The following DDX42 variants were observed in gnomAD, a reference collection of about 807,000 sequenced individuals.
DDX42 encodes the protein ATP-dependent RNA helicase DDX42.
In DDX42, 22 loss-of-function variants were observed where a neutral mutation model predicts 101.5. The ratio of observed to expected loss-of-function variants is 0.22; its 90% CI spans 0.15 to 0.31. The LOEUF is 0.31. Among genes scored for constraint, DDX42 ranks in the 10% least tolerant of loss-of-function variants. DDX42 has a pLI of 1.00. For missense variants in DDX42, 849 were observed against 1,199.9 expected (o/e 0.71, Z 4.32); for synonymous variants, 402 against 401.2 (o/e 1.00, Z -0.02).
chr17:63,799,400 A>G (rs374267933), intron 4 of DDX42, 189 bp from the exon 5 acceptor site: 8 of 464,338 alleles, frequency 1.7e-5, no homozygotes, highest in East Asian at 3.3e-5. Context: ...TGCAAACTGC[A>G]GATTATAGAG....
At chr17:63,813,019 G>T (rs745630320) in intron 14 of DDX42, among the ~76,000 whole-genome samples, 2 of 152,084 alleles carry the variant, frequency 1.3e-5, no homozygotes, top group Non-Finnish European at 2.9e-5. Flanking sequence ...GCAAGACTCC[G>T]TCTCTAAAAA....
chr17:63,787,201 C>T lies in DDX42; in HGVS notation c.152C>T (p.Ser51Leu). ...ATSSSSGFGK[S>L]APPQLPSFYK... ...AGCTCTTCTTCTGGATTTGGAAAGT[C>T]AGCTCCACCACAGCTTCCTTCTTTC... Residue 51 changes from serine to leucine, a missense_variant, in exon 2 of 18, where the codon TCA becomes TTA. By Grantham distance (145) the Ser-to-Leu change is moderately radical. Coordinates refer to ENST00000389924, the MANE Select transcript of DDX42 (RefSeq NM_203499.3). The T allele has an allele frequency of 3.1e-6, 5 of 1,614,158 alleles. No homozygotes were observed. Among genetic ancestry groups the T allele is most frequent in the Non-Finnish European group, 4.2e-6 (5 of 1,180,034 alleles).
chr17:63,813,133 A>G (rs2039933029), intron 14 of DDX42, 95 bp from the exon 15 acceptor site: 1 of 1,187,466 alleles, frequency 8.4e-7, no homozygotes, highest in East Asian at 2.5e-5. Flanking sequence ...TGCCTAGATA[A>G]AGGAAATGTG....
chr17:63,804,957 T>A, intron 6 of DDX42, 114 bp from the exon 7 acceptor site: 1 of 1,336,250 alleles, frequency 7.5e-7, no homozygotes, highest in Non-Finnish European at 1.0e-6. Context: ...TTGCTTTCTC[T>A]AGCTGGAATG....
chr17:63,794,806 C>G (rs2039672740), intron 3 of DDX42, among the ~76,000 whole-genome samples: 1 of 151,636 alleles, frequency 6.6e-6, no homozygotes, highest in Non-Finnish European at 1.5e-5. Context: ...CATGGTGGTG[C>G]ATGCCTGTAA....
At chr17:63,805,393 T>C in intron 7 of DDX42, 2 of 530,398 alleles carry the variant, frequency 3.8e-6, no homozygotes, top group East Asian at 8.2e-5. Flanking sequence ...TCTTGTTTCA[T>C]ATTTCAGTCA....
intron 3 of DDX42, among the ~76,000 whole-genome samples, chr17:63,796,984 A>G (rs368680343): frequency 2.3e-4 from 35 of 152,320 alleles, no homozygotes; most frequent in African/African-American, 8.4e-4. Flanking sequence ...AGTGAGAAAA[A>G]GTTGTGCAGA....
At chr17:63,793,748 A>G (rs2039657106) in intron 3 of DDX42, among the ~76,000 whole-genome samples, 1 of 151,958 alleles carries the variant, frequency 6.6e-6, no homozygotes, top group Middle Eastern at 3.2e-3. Flanking sequence ...TTTCACATAC[A>G]GAGGTCCTTT....
rs143658818 is a variant in DDX42, at chr17:63,803,418, C to T, written c.622-1653C>T. On this transcript the variant is annotated intron_variant, in intron 6 of 17. Coordinates refer to ENST00000389924, the MANE Select transcript of DDX42 (RefSeq NM_203499.3). ...AGCCTGGCCAACATGGTGAAACCCC[C>T]GTCTTTGGGATTGGTGGCAGGCATC... 2.7e-3 allele frequency among the ~76,000 whole-genome samples: 404 copies of T among 151,618 alleles called. 2 individuals are homozygous for T. Among genetic ancestry groups the T allele is most frequent in the African/African-American group, 9.4e-3 (390 of 41,418 alleles).
rs201475168 is a variant in DDX42 at position 63,805,149 on chromosome 17, G to A, written c.700G>A (p.Asp234Asn). 7 of 1,612,946 alleles carry A rather than the reference G, an allele frequency of 4.3e-6. No homozygotes were observed. Among genetic ancestry groups the A allele is most frequent in the Non-Finnish European group, 5.9e-6 (7 of 1,179,790 alleles). The part of the protein sequence containing the change: ...ITNLTPQQLI[D>N]LRHKLNLRVS... ...CAACCTCACTCCACAGCAGTTAATAGATCTCCGGCATAAGCTCAATCTTCG... is the reference window on the plus strand; with the variant it reads ...CAACCTCACTCCACAGCAGTTAATAAATCTCCGGCATAAGCTCAATCTTCG... The change falls in exon 7 of 18, where the codon GAT becomes AAT. Residue 234 changes from aspartate (D) to asparagine (N), a missense_variant. Around this residue, in one of 5 missense-constraint regions of DDX42, gnomAD observed 370 missense variants for 608.8 expected, o/e 0.61. Coordinates refer to ENST00000389924, the MANE Select transcript of DDX42 (RefSeq NM_203499.3).
At chr17:63,798,833 A>G (rs2039725645) in intron 4 of DDX42, among the ~76,000 whole-genome samples, 2 of 152,036 alleles carry the variant, frequency 1.3e-5, no homozygotes, top group African/African-American at 2.4e-5. Context: ...TCTGTTCCAT[A>G]TGGAGATTTA....
Position 63,818,468 on chromosome 17 carries a change from A to C in DDX42, c.*70A>C. The stretch of plus-strand genomic sequence containing the variant: ...AAAGATTTTGGTAACTAGGTGTCTC[A>C]GGGCTGGGTTGGGGTCCAAAGTGTA... On this transcript the variant is annotated 3_prime_UTR_variant, in exon 18 of 18. Coordinates refer to ENST00000389924, the MANE Select transcript of DDX42 (RefSeq NM_203499.3). 3.2e-5 allele frequency: 47 copies of C among 1,467,508 alleles called. No homozygotes were observed. Among genetic ancestry groups the C allele is most frequent in the East Asian group, 4.8e-5 (2 of 41,788 alleles). 90.9% of individuals were successfully genotyped at this position (1,467,508 alleles called of 1,614,324 possible). A position where few individuals can be genotyped will look rare whatever the true frequency, so the allele number is the denominator to read the frequency against.
intron 4 of DDX42, 77 bp downstream of exon 4, chr17:63,798,176 T>G: frequency 1.5e-6 from 2 of 1,374,298 alleles, no homozygotes; most frequent in Non-Finnish European, 2.0e-6. Flanking sequence ...CCCCAAAGTT[T>G]ATAGAGAAAA....
intron 13 of DDX42, chr17:63,811,439 C>A (rs1024913816): frequency 1.3e-5 from 5 of 382,628 alleles, no homozygotes; most frequent in African/African-American, 2.1e-5. Flanking sequence ...TCAAAACTTA[C>A]AATTGTTTTA....
chr17:63,817,634 T>G, intron 17 of DDX42, 60 bp from the exon 18 acceptor site: 1 of 1,528,386 alleles, frequency 6.5e-7, no homozygotes, highest in Non-Finnish European at 9.0e-7. Context: ...TGCCAAGTTG[T>G]ATATTCAAGT....
In DDX42 at chr17:63,800,565, T is replaced by C; in HGVS notation, c.569T>C (p.Ile190Thr). 6.2e-7 allele frequency: 1 copy of C among 1,614,098 alleles called. No homozygotes were observed. The highest frequency in any genetic ancestry group is 8.5e-7 in the Non-Finnish European group (1 of 1,179,982). Residue 190 changes from isoleucine to threonine, a missense_variant, in exon 6 of 18, where the codon ATT becomes ACT. Physicochemically the swap from Ile to Thr is moderately conservative, Grantham distance 89. Around this residue, in one of 5 missense-constraint regions of DDX42, gnomAD observed 370 missense variants for 608.8 expected, o/e 0.61. Transcript: ENST00000389924. ...NLEYDSDGNP[I>T]APTKKIIDPL... is the part of the protein sequence containing the mutation. ...GAATATGATAGTGACGGAAATCCAA[T>C]TGCACCTACCAAAAAAATCATTGAT...
chr17:63,816,256 T>C (rs540448710), intron 16 of DDX42, among the ~76,000 whole-genome samples: 2 of 152,338 alleles, frequency 1.3e-5, no homozygotes, highest in East Asian at 3.9e-4. Flanking sequence ...CAGTATACTT[T>C]TCTGGAGCAT....
chr17:63,814,578 G>A lies in DDX42; in HGVS notation c.1903-985G>A, dbSNP rs2039952458. ...TGTACCTCAGGCTTTCTGTGCTCAG[G>A]ACTTTGTCCAAGCCTGCTGCCCTAC... On this transcript the variant is annotated intron_variant, in intron 15 of 17. Transcript: ENST00000389924. 4.6e-5 allele frequency among the ~76,000 whole-genome samples: 7 copies of A among 151,560 alleles called. No homozygotes were observed. In the South Asian group the frequency reaches 1.5e-3, roughly 32 times the overall value.
intron 3 of DDX42, among the ~76,000 whole-genome samples, chr17:63,795,633 G>A (rs749356334): frequency 3.3e-5 from 5 of 152,176 alleles, no homozygotes; most frequent in Admixed American, 6.5e-5. Flanking sequence ...CCCAGCCTCT[G>A]TATTGTAATT....
Sources: allele counts gnomAD v4.1 joint callset (sites outside exome capture counted in the v4.1 genomes callset), GRCh38; gene constraint gnomAD v4.1.1; regional missense constraint gnomAD v4.1.1; transcripts MANE v1.5; gene names NCBI Gene and HGNC (gene_info 2026-07-23, HGNC 2026-07-21).